ANKRD11: variants seen among roughly 807,000 people sequenced by gnomAD.
The protein encoded by ANKRD11 is ankyrin repeat domain 11, also known as ankyrin repeat domain-containing protein 11.
A neutral mutation model predicts 195.7 loss-of-function variants in ANKRD11; 17 were observed. The observed-to-expected ratio is 0.09, with a 90% CI of 0.06 to 0.13. The LOEUF is 0.13. ANKRD11 is among the 10% of genes least tolerant of loss of function. ANKRD11 has a pLI of 1.00. For synonymous variants in ANKRD11, 1,953 were observed against 1,528.1 expected, an observed-to-expected ratio of 1.28 and a Z score of -6.49; for missense variants, 3,735 against 3,566.1, an observed-to-expected ratio of 1.05 and a Z score of -1.21.
At chr16:89,407,805 CG>C (rs1346509165) in intron 2 of ANKRD11, among the ~76,000 whole-genome samples, 1 of 145,076 alleles carries the variant, frequency 6.9e-6, no homozygotes, top group African/African-American at 2.6e-5. Flanking sequence ...AGCCGTGATC[CG>C]GCCACTGCAC....
At chr16:89,364,149 G>A (rs998529470) in intron 2 of ANKRD11, among the ~76,000 whole-genome samples, 1 of 152,200 alleles carries the variant, frequency 6.6e-6, no homozygotes, top group Admixed American at 6.5e-5. Flanking sequence ...CAGCCCTGGA[G>A]CCTGGGTGTA....
intron 2 of ANKRD11, among the ~76,000 whole-genome samples, chr16:89,331,041 C>T (rs2038039517): frequency 6.6e-6 from 1 of 152,144 alleles, no homozygotes; most frequent in African/African-American, 2.4e-5. Context: ...GCAACCTCTG[C>T]CTCCCAGGTT....
At chr16:89,448,795 C>A (rs2043923831) in intron 1 of ANKRD11, among the ~76,000 whole-genome samples, 1 of 152,142 alleles carries the variant, frequency 6.6e-6, no homozygotes, top group Admixed American at 6.5e-5. Flanking sequence ...CTCACCAGCA[C>A]CGCCCCGTCC....
chr16:89,271,203 T>A (rs572913349), intron 11 of ANKRD11: 11 of 475,878 alleles, frequency 2.3e-5, no homozygotes, highest in South Asian at 2.3e-4. Context: ...CAGGGGACAG[T>A]CAGAGCTCAG....
intron 2 of ANKRD11, chr16:89,324,935 C>T (rs947410838): frequency 1.0e-5 from 2 of 196,332 alleles, no homozygotes; most frequent in Admixed American, 1.1e-4. Context: ...CCTATTAGTG[C>T]TGTCCCTCTA....
At chr16:89,425,434 G>A (rs566629847) in intron 1 of ANKRD11, among the ~76,000 whole-genome samples, 1 of 152,242 alleles carries the variant, frequency 6.6e-6, no homozygotes, top group African/African-American at 2.4e-5. Context: ...GAACACTAAA[G>A]ACCTACCATC....
chr16:89,408,829 T>C lies in ANKRD11; in HGVS notation c.-60+9455A>G, dbSNP rs182739374. ...CCTCTTGTAATAAAAATAAGGAAAA[T>C]GCAATTTTCTGGGATTTTGTAGGAA... On this transcript the variant is annotated intron_variant, in intron 2 of 12. Transcript: ENST00000301030. Among the ~76,000 whole-genome samples, 123 of 152,252 alleles carry C rather than the reference T, an allele frequency of 8.1e-4. 1 individual carries two copies. Among genetic ancestry groups the C allele is most frequent in the African/African-American group, 2.8e-3 (118 of 41,532 alleles).
intron 2 of ANKRD11, among the ~76,000 whole-genome samples, chr16:89,402,689 G>A (rs2041746354): frequency 6.7e-6 from 1 of 148,416 alleles, no homozygotes; most frequent in Non-Finnish European, 1.5e-5. Flanking sequence ...GCGGGAGGAG[G>A]TGAGGTGGCT....
At chr16:89,467,995 G>A (rs2056942503) in intron 1 of ANKRD11, among the ~76,000 whole-genome samples, 1 of 151,974 alleles carries the variant, frequency 6.6e-6, no homozygotes, top group Non-Finnish European at 1.5e-5. Context: ...GTAGAGACGG[G>A]GTTTGGTTAT....
intron 2 of ANKRD11, among the ~76,000 whole-genome samples, chr16:89,371,557 C>A (rs2040194205): frequency 6.6e-6 from 1 of 152,178 alleles, no homozygotes. Flanking sequence ...TCAGATTCCG[C>A]CATGCTGCAG....
chr16:89,466,335 AGGGAAAG>A (rs1175329919), intron 1 of ANKRD11, among the ~76,000 whole-genome samples: 5 of 152,242 alleles, frequency 3.3e-5, no homozygotes, highest in African/African-American at 9.6e-5. Context: ...ACCAGTTGTC[AGGGAAAG>A]GGGGAAGGGG....
chr16:89,477,111 C>T (rs1040717523), intron 1 of ANKRD11, among the ~76,000 whole-genome samples: 44 of 151,976 alleles, frequency 2.9e-4, no homozygotes, highest in African/African-American at 1.0e-3. Flanking sequence ...ATTTAAAACA[C>T]GAGAGAATTA....
At chr16:89,327,892 C>T (rs756427340) in intron 2 of ANKRD11, among the ~76,000 whole-genome samples, 23 of 152,058 alleles carry the variant, frequency 1.5e-4, no homozygotes, top group Admixed American at 1.4e-3. Context: ...TAAACGACCT[C>T]GACAAAATTA....
intron 2 of ANKRD11, among the ~76,000 whole-genome samples, chr16:89,385,799 C>T (rs1203205799): frequency 2.0e-5 from 3 of 152,266 alleles, no homozygotes; most frequent in African/African-American, 4.8e-5. Flanking sequence ...AGCCTGCCTG[C>T]CTCACCCCCG....
At chr16:89,334,645 G>A (rs879382299) in intron 2 of ANKRD11, among the ~76,000 whole-genome samples, 6 of 152,060 alleles carry the variant, frequency 3.9e-5, no homozygotes, top group African/African-American at 4.8e-5. Context: ...TCTCAGCCAC[G>A]CTCCATGAGG....
At chr16:89,398,883 G>A (rs1427485451) in intron 2 of ANKRD11, among the ~76,000 whole-genome samples, 1 of 152,192 alleles carries the variant, frequency 6.6e-6, no homozygotes, top group African/African-American at 2.4e-5. Context: ...GCAGGCACAT[G>A]GCTCAGCTGG....
chr16:89,477,061 G>C (rs1291470226), intron 1 of ANKRD11, among the ~76,000 whole-genome samples: 2 of 152,122 alleles, frequency 1.3e-5, no homozygotes, highest in African/African-American at 4.8e-5. Context: ...AAGAAACAGA[G>C]AAAAAGGTTC....
intron 1 of ANKRD11, among the ~76,000 whole-genome samples, chr16:89,463,201 T>C (rs1298609669): frequency 6.6e-6 from 1 of 152,168 alleles, no homozygotes; most frequent in Non-Finnish European, 1.5e-5. Context: ...GAACGGGCCA[T>C]GATGACAGTG....
chr16:89,430,581 C>A (rs1038158370), intron 1 of ANKRD11, among the ~76,000 whole-genome samples: 1 of 152,184 alleles, frequency 6.6e-6, no homozygotes, highest in Admixed American at 6.5e-5. Flanking sequence ...CACGCTCAGA[C>A]GTTCTAGTAC....
Sources: gnomAD v4.1 joint callset for allele counts (sites outside exome capture counted in the v4.1 genomes callset) on GRCh38, gnomAD v4.1.1 for gene constraint, MANE v1.5 for transcripts, NCBI Gene and HGNC (gene_info 2026-07-23, HGNC 2026-07-21) for gene names.